NLGN1: variants seen among roughly 807,000 people sequenced by gnomAD.
The protein encoded by NLGN1 is neuroligin-1.
Under a neutral mutation model 65.5 loss-of-function variants are expected in NLGN1, and 12 were observed. That is an observed-to-expected ratio of 0.18 (90% CI 0.12 to 0.30). NLGN1 has a LOEUF of 0.30. NLGN1 is among the 10% of genes least tolerant of loss of function. The pLI is 1.00. For synonymous variants in NLGN1, 350 were observed against 359.5 expected (o/e 0.97, Z 0.30); for missense variants, 750 against 1,007.1 (o/e 0.74, Z 3.46).
chr3:173,446,600 C>G (rs1720387065), intron 2 of NLGN1, among the ~76,000 whole-genome samples: 1 of 152,174 alleles, frequency 6.6e-6, no homozygotes, highest in African/African-American at 2.4e-5. Context: ...ATGACTGGGT[C>G]AAATGGTATT....
intron 3 of NLGN1, among the ~76,000 whole-genome samples, chr3:173,711,135 A>T (rs1415366057): frequency 6.6e-6 from 1 of 152,218 alleles, no homozygotes; most frequent in Non-Finnish European, 1.5e-5. Flanking sequence ...AAGAGATGCA[A>T]AATTCCTAGG....
chr3:174,129,298 A>C (rs1023181119), intron 4 of NLGN1, among the ~76,000 whole-genome samples: 2 of 151,348 alleles, frequency 1.3e-5, no homozygotes, highest in African/African-American at 4.8e-5. Context: ...AGATGAATAA[A>C]TGTGATTCAA....
chr3:173,874,233 G>A (rs543180688), intron 4 of NLGN1, among the ~76,000 whole-genome samples: 2 of 152,226 alleles, frequency 1.3e-5, no homozygotes, highest in South Asian at 4.1e-4. Flanking sequence ...GTCTCATCCT[G>A]GAGGATGACT....
chr3:173,883,237 C>T (rs967416337), intron 4 of NLGN1, among the ~76,000 whole-genome samples: 4 of 152,156 alleles, frequency 2.6e-5, no homozygotes, highest in African/African-American at 9.6e-5. Flanking sequence ...TATTAATTGG[C>T]CTGATTTTAA....
At chr3:173,467,396 A>G (rs549910533) in intron 2 of NLGN1, among the ~76,000 whole-genome samples, 1 of 152,286 alleles carries the variant, frequency 6.6e-6, no homozygotes, top group South Asian at 2.1e-4. Context: ...TTCTAATTAT[A>G]AATTCCTAAA....
At chr3:174,222,859 T>G (rs116170953) in intron 4 of NLGN1, among the ~76,000 whole-genome samples, 1,891 of 152,330 alleles carry the variant, frequency 0.012, 14 homozygotes, top group Non-Finnish European at 0.019. Flanking sequence ...AGTATAGAGT[T>G]GTTCAATTGA....
chr3:173,971,302 A>G (rs1716182573), intron 4 of NLGN1, among the ~76,000 whole-genome samples: 1 of 152,132 alleles, frequency 6.6e-6, no homozygotes. Flanking sequence ...ATTCACAAGA[A>G]GGAGCCACTG....
intron 4 of NLGN1, among the ~76,000 whole-genome samples, chr3:174,184,291 A>T (rs1035437454): frequency 3.3e-5 from 5 of 152,144 alleles, no homozygotes; most frequent in Non-Finnish European, 7.4e-5. Flanking sequence ...ATGATTAAAA[A>T]TTATTCAGTG....
chr3:174,043,572 A>G (rs1042888639), intron 4 of NLGN1, among the ~76,000 whole-genome samples: 3 of 152,258 alleles, frequency 2.0e-5, no homozygotes, highest in African/African-American at 7.2e-5. Context: ...TTAAGGTTCC[A>G]GAATGATCTC....
At chr3:174,214,138 A>G (rs1403934383) in intron 4 of NLGN1, among the ~76,000 whole-genome samples, 1 of 152,170 alleles carries the variant, frequency 6.6e-6, no homozygotes, top group Non-Finnish European at 1.5e-5. Context: ...TTTAAAGGAT[A>G]CAAAACTACA....
intron 2 of NLGN1, among the ~76,000 whole-genome samples, chr3:173,458,126 G>A (rs944380216): frequency 6.6e-6 from 1 of 152,016 alleles, no homozygotes; most frequent in East Asian, 1.9e-4. Context: ...GAGGCCCCAG[G>A]TCTGCCTCAG....
intron 4 of NLGN1, among the ~76,000 whole-genome samples, chr3:173,906,749 G>A (rs1251651467): frequency 1.3e-5 from 2 of 151,780 alleles, no homozygotes; most frequent in African/African-American, 4.8e-5. Context: ...TACTCAAGAG[G>A]CTGACACAGG....
At chr3:173,531,148 A>G (rs1736499742) in intron 2 of NLGN1, among the ~76,000 whole-genome samples, 1 of 152,146 alleles carries the variant, frequency 6.6e-6, no homozygotes, top group Non-Finnish European at 1.5e-5. Context: ...CATAAATTTT[A>G]TGTTTAAGCA....
chr3:173,805,371 T>A (rs1265749848), intron 3 of NLGN1, among the ~76,000 whole-genome samples: 1 of 152,180 alleles, frequency 6.6e-6, no homozygotes, highest in Non-Finnish European at 1.5e-5. Context: ...TTTGAAAAGT[T>A]TGAAAAGGCA....
intron 4 of NLGN1, among the ~76,000 whole-genome samples, chr3:174,116,386 G>C (rs1457041775): frequency 1.7e-5 from 2 of 120,336 alleles, no homozygotes; most frequent in African/African-American, 3.3e-5. Flanking sequence ...AGCCCAGGCT[G>C]TAATGCACTG....
chr3:173,502,172 C>T (rs1731240653), intron 2 of NLGN1, among the ~76,000 whole-genome samples: 1 of 152,056 alleles, frequency 6.6e-6, no homozygotes, highest in Non-Finnish European at 1.5e-5. Flanking sequence ...ACAATCAACT[C>T]TATTATCAAG....
At chr3:173,765,863 AT>A (rs2150233182) in intron 3 of NLGN1, among the ~76,000 whole-genome samples, 2 of 152,176 alleles carry the variant, frequency 1.3e-5, no homozygotes, top group South Asian at 4.1e-4. Flanking sequence ...TCAAGATGAT[AT>A]TTCATCATCT....
intron 3 of NLGN1, among the ~76,000 whole-genome samples, chr3:173,687,122 A>G (rs1560170258): frequency 6.6e-6 from 1 of 152,172 alleles, no homozygotes; most frequent in Non-Finnish European, 1.5e-5. Flanking sequence ...GAAACTCCAA[A>G]TGGAATCCAC....
chr3:174,020,967 T>C (rs1173036871), intron 4 of NLGN1, among the ~76,000 whole-genome samples: 2 of 152,062 alleles, frequency 1.3e-5, no homozygotes, highest in African/African-American at 2.4e-5. Context: ...TAAATTGATA[T>C]AGTTCAAAAA....
Sources: gnomAD v4.1 joint callset for allele counts (sites outside exome capture counted in the v4.1 genomes callset) on GRCh38, gnomAD v4.1.1 for gene constraint, MANE v1.5 for transcripts, NCBI Gene and HGNC (gene_info 2026-07-23, HGNC 2026-07-21) for gene names.